Variants in SRPX observed in about 807,000 individuals in gnomAD.
SRPX encodes sushi repeat containing protein X-linked.
In SRPX, 24 loss-of-function variants were observed where a neutral mutation model predicts 38.1. The ratio of observed to expected loss-of-function variants is 0.63; its 90% confidence interval spans 0.46 to 0.89. The LOEUF (loss-of-function observed/expected upper bound fraction) is 0.89. Among genes scored for constraint, SRPX ranks in the 40% least tolerant of loss-of-function variants. The pLI, the probability that SRPX is intolerant of heterozygous loss-of-function variation, is 0.00. For synonymous variants in SRPX, 184 were observed against 153.8 expected, an observed-to-expected ratio of 1.20 and a Z score of -1.45; for missense variants, 416 against 377.8, an observed-to-expected ratio of 1.10 and a Z score of -0.84.
intron 1 of SRPX, among the ~76,000 whole-genome samples, chrX:38,205,629 G>A (rs1939193938): frequency 9.0e-6 from 1 of 111,557 alleles, no homozygotes; most frequent in Non-Finnish European, 1.9e-5. Flanking sequence ...TTATATTTAG[G>A]TCTATGATCT....
intron 1 of SRPX, among the ~76,000 whole-genome samples, chrX:38,195,869 C>A (rs1938990710): frequency 9.0e-6 from 1 of 111,508 alleles, no homozygotes; most frequent in Non-Finnish European, 1.9e-5. Context: ...TAACGAGATC[C>A]CAGCTGGCAA....
rs139822969 is a variant in SRPX, at chrX:38,154,409, A to G, written c.1211+53T>C. ...TAGAAAGAAACCAGGGAACCTAATC[A>G]GTTAAAAATGCATTCACAGGGGATA... On this transcript the variant is annotated intron_variant, in intron 9 of 9. Transcript: ENST00000378533. 1,137 of 1,156,066 alleles carry G rather than the reference A, an allele frequency of 9.8e-4. 2 individuals carry two copies. The highest frequency in any genetic ancestry group is 1.9e-3 in the Middle Eastern group (7 of 3,693).
intron 5 of SRPX, among the ~76,000 whole-genome samples, chrX:38,164,286 G>C (rs1023981823): frequency 9.1e-6 from 1 of 110,190 alleles, no homozygotes; most frequent in African/African-American, 3.3e-5. Context: ...GGGATTACAG[G>C]TGTGTGCCAC....
At chrX:38,220,033 G>A (rs1476792968) in intron 1 of SRPX, among the ~76,000 whole-genome samples, 1 of 113,185 alleles carries the variant, frequency 8.8e-6, no homozygotes, top group Admixed American at 9.2e-5. Flanking sequence ...CCAGGAATAA[G>A]CCGCACCCTC....
intron 1 of SRPX, among the ~76,000 whole-genome samples, chrX:38,209,096 A>C (rs1939270283): frequency 9.1e-6 from 1 of 109,503 alleles, no homozygotes; most frequent in Admixed American, 9.8e-5. Flanking sequence ...CTTTCAGCTC[A>C]TCTGCAATAT....
At chrX:38,175,889 T>C (rs986957321) in intron 2 of SRPX, among the ~76,000 whole-genome samples, 1 of 111,750 alleles carries the variant, frequency 8.9e-6, no homozygotes, top group African/African-American at 3.3e-5. Flanking sequence ...TTTTCCTTCC[T>C]CTAAGGGTTT....
intron 1 of SRPX, among the ~76,000 whole-genome samples, chrX:38,188,638 TTA>T (rs1938835488): frequency 9.0e-6 from 1 of 111,527 alleles, no homozygotes; most frequent in East Asian, 2.8e-4. Flanking sequence ...ATGGGCAAAA[TTA>T]TATATATTTA....
intron 2 of SRPX, among the ~76,000 whole-genome samples, chrX:38,174,661 A>G (rs1235360596): frequency 8.9e-6 from 1 of 112,174 alleles, no homozygotes; most frequent in Non-Finnish European, 1.9e-5. Context: ...AAAATTGCAT[A>G]TCAAGCATCT....
Position 38,154,580 on chromosome X carries a change from C to T in SRPX, c.1093G>A (p.Ala365Thr). Residue 365 changes from alanine to threonine, a missense_variant, in exon 9 of 10, where the codon GCA (alanine) becomes ACA (threonine). Physicochemically the swap from Ala to Thr is moderately conservative, Grantham distance 58. Coordinates refer to ENST00000378533, the MANE Select transcript of SRPX (RefSeq NM_006307.5). ...TGTCGAAGATCAAGGCCACACTGTG[C>T]TTGCTGGGAAAAAGAAAACCCAACA... ...YRLQLGMLQQ[A>T]QCGLDLRHIT... 8.3e-7 allele frequency: 1 copy of T among 1,207,569 alleles called. No individual in the cohort carries two copies. Among genetic ancestry groups the T allele is most frequent in the Non-Finnish European group, 1.1e-6 (1 of 893,978 alleles).
At position 38,154,589 on chromosome X, in the gene SRPX, A is replaced by T; in HGVS notation, c.1090-6T>A. ...TCAAGGCCACACTGTGCTTGCTGGG[A>T]AAAAGAAAACCCAACAGGGGAAGTA... On this transcript the variant is annotated splice_region_variant and splice_polypyrimidine_tract_variant and intron_variant, in intron 8 of 9. Transcript: ENST00000378533. 1 of 1,206,630 alleles carries T rather than the reference A, an allele frequency of 8.3e-7. No homozygotes were observed. Among genetic ancestry groups the T allele is most frequent in the Non-Finnish European group, 1.1e-6 (1 of 893,483 alleles).
chrX:38,156,483 T>C (rs1938134265), intron 8 of SRPX, among the ~76,000 whole-genome samples: 1 of 111,832 alleles, frequency 8.9e-6, no homozygotes, highest in African/African-American at 3.3e-5. Flanking sequence ...GGATCACACG[T>C]TGAGAACCAC....
intron 1 of SRPX, among the ~76,000 whole-genome samples, chrX:38,186,890 G>A (rs985724919): frequency 1.8e-5 from 2 of 111,413 alleles, no homozygotes; most frequent in East Asian, 2.8e-4. Context: ...GAATTTACCT[G>A]AGACTCTATC....
rs192116522 is a variant in SRPX, at chrX:38,185,807, G to A, written c.98-7463C>T. Among the ~76,000 whole-genome samples, 28 of 104,664 alleles carry A rather than the reference G, an allele frequency of 2.7e-4. No homozygotes were observed. In the East Asian group the frequency reaches 7.2e-3, roughly 27 times the overall value. 90.9% of individuals were successfully genotyped at this position (104,664 alleles called of 115,157 possible). A position where few individuals can be genotyped will look rare whatever the true frequency, so the allele number is the denominator to read the frequency against. ...CAGAGACATTAAGGAATAAGGAGAG[G>A]TCTTTGATCCCCTACAATTATACTG... On this transcript the variant is annotated intron_variant, in intron 1 of 9. Coordinates refer to ENST00000378533, the MANE Select transcript of SRPX (RefSeq NM_006307.5).
At chrX:38,156,838 G>A (rs1938140539) in intron 8 of SRPX, 58 bp downstream of exon 8, 1 of 1,163,968 alleles carries the variant, frequency 8.6e-7, no homozygotes. Flanking sequence ...TAGTGAAATG[G>A]CTGGGCCCTT....
intron 1 of SRPX, among the ~76,000 whole-genome samples, chrX:38,200,971 G>A (rs758723645): frequency 2.7e-4 from 30 of 111,559 alleles, no homozygotes; most frequent in African/African-American, 9.4e-4. Flanking sequence ...CAATAAATAC[G>A]TTTTTGGATG....
intron 2 of SRPX, among the ~76,000 whole-genome samples, chrX:38,175,222 A>G (rs894159324): frequency 1.5e-4 from 17 of 112,115 alleles, no homozygotes; most frequent in African/African-American, 5.5e-4. Flanking sequence ...GATGGGGAAC[A>G]GTGAGGAGTT....
At chrX:38,220,120 G>T (rs1435910920) in intron 1 of SRPX, among the ~76,000 whole-genome samples, 1 of 113,391 alleles carries the variant, frequency 8.8e-6, no homozygotes, top group Non-Finnish European at 1.9e-5. Flanking sequence ...ACCACTCTCA[G>T]CTGGCAATTC....
At chrX:38,178,165 T>C in intron 2 of SRPX, 120 bp downstream of exon 2, 2 of 433,703 alleles carry the variant, frequency 4.6e-6, no homozygotes, top group Admixed American at 4.1e-5. Flanking sequence ...TTTTCCTTGA[T>C]AGATAATTAG....
intron 1 of SRPX, among the ~76,000 whole-genome samples, chrX:38,219,107 G>A (rs1347797399): frequency 1.8e-5 from 2 of 110,989 alleles, no homozygotes; most frequent in Non-Finnish European, 3.8e-5. Flanking sequence ...CCAAACTGGC[G>A]AACTCATGAT....
Sources: allele counts gnomAD v4.1 joint callset (sites outside exome capture counted in the v4.1 genomes callset), GRCh38; gene constraint gnomAD v4.1.1; transcripts MANE v1.5; gene names NCBI Gene and HGNC (gene_info 2026-07-23, HGNC 2026-07-21).